Variants in THSD7B observed in about 807,000 individuals in gnomAD.
The protein encoded by THSD7B is thrombospondin type-1 domain-containing protein 7B.
Under a neutral mutation model 213.6 loss-of-function variants are expected in THSD7B, and 138 were observed. The ratio of observed to expected loss-of-function variants is 0.65; its 90% CI spans 0.56 to 0.74. The LOEUF (loss-of-function observed/expected upper bound fraction) is 0.74, where lower values mean the gene tolerates loss of function less well. THSD7B is among the 30% of genes least tolerant of loss of function. The pLI is 0.00. For missense variants in THSD7B, 1,931 were observed against 1,991.5 expected (o/e 0.97, Z 0.58); for synonymous variants, 742 against 687.0 (o/e 1.08, Z -1.25).
chr2:137,364,746 C>A (rs1050737093), intron 12 of THSD7B, among the ~76,000 whole-genome samples: 2 of 152,076 alleles, frequency 1.3e-5, no homozygotes, highest in South Asian at 4.1e-4. Context: ...AAAGAGGACA[C>A]AAACAAATGA....
chr2:137,291,621 T>A (rs1411891099), intron 12 of THSD7B, among the ~76,000 whole-genome samples: 2 of 152,180 alleles, frequency 1.3e-5, no homozygotes, highest in Non-Finnish European at 2.9e-5. Flanking sequence ...TTTTCTGTGC[T>A]TAAATCAAGT....
chr2:137,562,163 C>G (rs1558840495), intron 15 of THSD7B, among the ~76,000 whole-genome samples: 2 of 152,082 alleles, frequency 1.3e-5, no homozygotes, highest in Non-Finnish European at 2.9e-5. Flanking sequence ...ATAGTGCAAC[C>G]TAGTTATCAT....
intron 10 of THSD7B, among the ~76,000 whole-genome samples, chr2:137,270,246 G>A (rs1035115247): frequency 1.3e-5 from 2 of 151,834 alleles, no homozygotes; most frequent in African/African-American, 4.8e-5. Context: ...TCTTTTGTGT[G>A]TCCCATCCCC....
chr2:137,243,012 G>C (rs1681945804), intron 10 of THSD7B, among the ~76,000 whole-genome samples: 1 of 152,164 alleles, frequency 6.6e-6, no homozygotes, highest in Admixed American at 6.5e-5. Context: ...TACAAGAGCA[G>C]ATACATTACA....
chr2:137,583,742 C>T (rs112102063), intron 17 of THSD7B, among the ~76,000 whole-genome samples: 14 of 152,002 alleles, frequency 9.2e-5, no homozygotes, highest in African/African-American at 3.4e-4. Context: ...GTTACTGTAG[C>T]CTTGTAGTAT....
chr2:137,195,755 A>G (rs1032610657), intron 7 of THSD7B, among the ~76,000 whole-genome samples: 1 of 152,186 alleles, frequency 6.6e-6, no homozygotes, highest in Non-Finnish European at 1.5e-5. Flanking sequence ...AAAAATCAGT[A>G]TTCGTAACCA....
intron 17 of THSD7B, among the ~76,000 whole-genome samples, chr2:137,615,855 G>A (rs1573744858): frequency 1.3e-5 from 2 of 151,752 alleles, no homozygotes; most frequent in Non-Finnish European, 2.9e-5. Flanking sequence ...CAAAATATAC[G>A]GATCTCTTAC....
intron 1 of THSD7B, among the ~76,000 whole-genome samples, chr2:136,786,793 A>G (rs1490120230): frequency 6.6e-6 from 1 of 152,206 alleles, no homozygotes; most frequent in Non-Finnish European, 1.5e-5. Flanking sequence ...TTGTTTTGGC[A>G]TTACATAAAT....
At position 136,836,021 on chromosome 2, in the gene THSD7B, A is replaced by G. The variant is rs912955875; in HGVS notation, c.-35-46123A>G. Reference sequence around the variant, plus strand: ...GTTTCCGAAAACAGCAGACTGCATTATTAGAAAGGAGATCATTGCGTGTGG... The same window carrying G: ...GTTTCCGAAAACAGCAGACTGCATTGTTAGAAAGGAGATCATTGCGTGTGG... On this transcript the variant is annotated intron_variant, in intron 1 of 27. Transcript: ENST00000409968. Among the ~76,000 whole-genome samples, 15 of 152,346 alleles carry G rather than the reference A, an allele frequency of 9.8e-5. No homozygotes were observed. In the East Asian group the frequency reaches 2.9e-3, roughly 29 times the overall value.
chr2:137,286,936 A>G (rs1229707770), intron 12 of THSD7B, among the ~76,000 whole-genome samples: 2 of 152,144 alleles, frequency 1.3e-5, no homozygotes, highest in African/African-American at 2.4e-5. Context: ...GAGGACATGA[A>G]CTCTCTGTCC....
intron 5 of THSD7B, among the ~76,000 whole-genome samples, chr2:137,140,907 G>C (rs538071728): frequency 6.6e-6 from 1 of 152,160 alleles, no homozygotes; most frequent in Non-Finnish European, 1.5e-5. Flanking sequence ...GTAAGAGTGG[G>C]TACTGCTTCA....
At chr2:137,283,382 C>G (rs989727042) in intron 12 of THSD7B, among the ~76,000 whole-genome samples, 11 of 152,108 alleles carry the variant, frequency 7.2e-5, no homozygotes, top group African/African-American at 2.7e-4. Context: ...TAATTGAATG[C>G]CCTTTATTTC....
intron 10 of THSD7B, among the ~76,000 whole-genome samples, chr2:137,250,636 G>A (rs150840821): frequency 7.2e-5 from 11 of 152,264 alleles, no homozygotes; most frequent in African/African-American, 1.4e-4. Context: ...TGTGCTAGGC[G>A]CTGTGTGTAT....
intron 2 of THSD7B, among the ~76,000 whole-genome samples, chr2:136,951,951 C>T (rs1372378811): frequency 6.6e-6 from 1 of 152,110 alleles, no homozygotes; most frequent in African/African-American, 2.4e-5. Flanking sequence ...CTCACTGCAA[C>T]CTCCGCCTCT....
chr2:136,856,444 T>G (rs1683181855), intron 1 of THSD7B, among the ~76,000 whole-genome samples: 1 of 152,200 alleles, frequency 6.6e-6, no homozygotes. Context: ...ATGTCACTAC[T>G]AAATTCTCTC....
At chr2:136,981,466 C>T (rs1685576785) in intron 2 of THSD7B, among the ~76,000 whole-genome samples, 2 of 152,238 alleles carry the variant, frequency 1.3e-5, no homozygotes, top group South Asian at 4.2e-4. Flanking sequence ...GCATTTTGCT[C>T]ATCATTAACC....
At chr2:137,290,771 T>C (rs1308106554) in intron 12 of THSD7B, among the ~76,000 whole-genome samples, 2 of 152,152 alleles carry the variant, frequency 1.3e-5, no homozygotes, top group Non-Finnish European at 1.5e-5. Flanking sequence ...GAGTTTTCAA[T>C]CTTAATGAGT....
chr2:137,314,625 C>T (rs1227327348), intron 12 of THSD7B, among the ~76,000 whole-genome samples: 1 of 152,120 alleles, frequency 6.6e-6, no homozygotes, highest in South Asian at 2.1e-4. Flanking sequence ...GTTTTTTCCC[C>T]ATCTTTGTGG....
chr2:137,258,917 T>C (rs1268452426), intron 10 of THSD7B, among the ~76,000 whole-genome samples: 1 of 152,014 alleles, frequency 6.6e-6, no homozygotes, highest in Admixed American at 6.6e-5. Flanking sequence ...CTCCCACTTA[T>C]GAGTGAGAAC....
Sources: allele counts gnomAD v4.1 joint callset (sites outside exome capture counted in the v4.1 genomes callset), GRCh38; gene constraint gnomAD v4.1.1; transcripts MANE v1.5; gene names NCBI Gene and HGNC (gene_info 2026-07-23, HGNC 2026-07-21).